Variants in MMP16 observed in about 807,000 individuals in gnomAD.
MMP16 encodes the protein matrix metalloproteinase-16.
In MMP16, 12 loss-of-function variants were observed where a neutral mutation model predicts 67.8. That is an observed-to-expected ratio of 0.18 (90% CI 0.11 to 0.29). The LOEUF (loss-of-function observed/expected upper bound fraction) is 0.29, where lower values mean the gene tolerates loss of function less well. Ranked by LOEUF, MMP16 falls within the 10% of genes least tolerant of loss-of-function variation. The pLI is 1.00. For synonymous variants in MMP16, 249 were observed against 255.9 expected (o/e 0.97, Z 0.26); for missense variants, 475 against 765.7 (o/e 0.62, Z 4.48).
chr8:88,309,351 T>A (rs148828033), intron 1 of MMP16, among the ~76,000 whole-genome samples: 67 of 151,928 alleles, frequency 4.4e-4, no homozygotes, highest in African/African-American at 1.6e-3. Context: ...TATATTGTTA[T>A]GTTAAAAATA....
At chr8:88,188,483 T>C (rs1314605143) in intron 2 of MMP16, among the ~76,000 whole-genome samples, 1 of 152,168 alleles carries the variant, frequency 6.6e-6, no homozygotes, top group Non-Finnish European at 1.5e-5. Flanking sequence ...GGGTAAAATT[T>C]GAAACAACAG....
intron 1 of MMP16, among the ~76,000 whole-genome samples, chr8:88,217,575 C>T (rs1031059699): frequency 6.6e-6 from 1 of 151,962 alleles, no homozygotes; most frequent in Non-Finnish European, 1.5e-5. Context: ...TCATCTTAAA[C>T]CTACTCAGTT....
intron 3 of MMP16, among the ~76,000 whole-genome samples, chr8:88,181,928 GTGTTAGAAC>G (rs1808987340): frequency 6.6e-6 from 1 of 152,010 alleles, no homozygotes; most frequent in Non-Finnish European, 1.5e-5. Context: ...TCAACAAATG[GTGTTAGAAC>G]AACTGGACAT....
chr8:88,247,126 T>C (rs929612403), intron 1 of MMP16, among the ~76,000 whole-genome samples: 1 of 152,106 alleles, frequency 6.6e-6, no homozygotes, highest in African/African-American at 2.4e-5. Flanking sequence ...AATGAGGTCA[T>C]TCAGGGTAGG....
At chr8:88,166,742 A>T (rs766948325) in intron 4 of MMP16, among the ~76,000 whole-genome samples, 439 of 110,410 alleles carry the variant, frequency 4.0e-3, no homozygotes, top group Middle Eastern at 0.012. Flanking sequence ...CTTAATTTTA[A>T]TTTTTTTTAA....
At chr8:88,088,700 CT>C (rs1482721836) in intron 6 of MMP16, among the ~76,000 whole-genome samples, 15 of 152,000 alleles carry the variant, frequency 9.9e-5, no homozygotes, top group Admixed American at 9.8e-4. Flanking sequence ...GGTTTATTTA[CT>C]TAAATAAAGA....
At chr8:88,117,012 C>A (rs987935908) in intron 5 of MMP16, among the ~76,000 whole-genome samples, 2 of 151,908 alleles carry the variant, frequency 1.3e-5, no homozygotes, top group African/African-American at 4.8e-5. Flanking sequence ...GGGAAAGCTG[C>A]CTTCAGATCT....
At position 88,308,461 on chromosome 8, in the gene MMP16, A is replaced by G. The variant is rs147624506; in HGVS notation, c.132+18614T>C. Among the ~76,000 whole-genome samples, 42 of 152,192 alleles carry G rather than the reference A, an allele frequency of 2.8e-4. 1 individual carries two copies. In the East Asian group the frequency reaches 7.9e-3, roughly 29 times the overall value. On this transcript the variant is annotated intron_variant, in intron 1 of 9. Transcript: ENST00000286614. The stretch of plus-strand genomic sequence containing the variant: ...AAGCTACATAAAGCAAGAGGTGCCC[A>G]AAGCCACCCATAGTTCCATAGATCA...
intron 1 of MMP16, among the ~76,000 whole-genome samples, chr8:88,298,360 G>T (rs182546596): frequency 1.3e-5 from 2 of 152,158 alleles, no homozygotes; most frequent in Middle Eastern, 3.2e-3. Context: ...CCAAATTTAC[G>T]TGTGGAACAA....
At chr8:88,272,452 C>A (rs1299709314) in intron 1 of MMP16, among the ~76,000 whole-genome samples, 1 of 152,052 alleles carries the variant, frequency 6.6e-6, no homozygotes. Flanking sequence ...GCTTCTCTAT[C>A]AAGGAAAATG....
intron 1 of MMP16, 200 bp downstream of exon 1, chr8:88,326,875 C>A: frequency 1.8e-6 from 1 of 551,866 alleles, no homozygotes; most frequent in East Asian, 3.3e-5. Context: ...CTTTGTGCTG[C>A]CGGGGATAAC....
At chr8:88,142,732 T>C (rs1163440970) in intron 4 of MMP16, among the ~76,000 whole-genome samples, 2 of 152,102 alleles carry the variant, frequency 1.3e-5, no homozygotes, top group Admixed American at 6.6e-5. Flanking sequence ...TTACCAGGTA[T>C]TGAAGTAGGT....
chr8:88,143,453 T>C (rs973003668), intron 4 of MMP16, among the ~76,000 whole-genome samples: 3 of 152,118 alleles, frequency 2.0e-5, no homozygotes, highest in Non-Finnish European at 4.4e-5. Flanking sequence ...GTTTTAGATA[T>C]ATTGAGCAAA....
Position 88,116,222 on chromosome 8 carries a change from T to C in MMP16, c.1083+285A>G, listed in dbSNP as rs143184120. Among the ~76,000 whole-genome samples, 70 of 152,234 alleles carry C rather than the reference T, an allele frequency of 4.6e-4. 1 individual carries two copies. In the East Asian group the frequency reaches 0.013, roughly 28 times the overall value. ...TATTAGTTCCTATTCATGATTCAAA[T>C]TATGCTATTTTATCTCTTCATAACA... On this transcript the variant is annotated intron_variant, in intron 6 of 9. Coordinates refer to ENST00000286614, the MANE Select transcript of MMP16 (RefSeq NM_005941.5).
chr8:88,188,538 G>A (rs1586196360), intron 2 of MMP16, among the ~76,000 whole-genome samples: 1 of 152,112 alleles, frequency 6.6e-6, no homozygotes, highest in African/African-American at 2.4e-5. Flanking sequence ...TGAGGGTATA[G>A]TCTCTAAAAT....
intron 4 of MMP16, among the ~76,000 whole-genome samples, chr8:88,123,759 AAG>A (rs1807880260): frequency 6.6e-6 from 1 of 151,846 alleles, no homozygotes; most frequent in African/African-American, 2.4e-5. Context: ...GTCACCTAAA[AAG>A]AGTTAGGTCA....
At chr8:88,157,136 T>C (rs913297409) in intron 4 of MMP16, among the ~76,000 whole-genome samples, 11 of 152,102 alleles carry the variant, frequency 7.2e-5, no homozygotes, top group Non-Finnish European at 1.5e-4. Context: ...TCCCTATCCA[T>C]GGCTTTTGCA....
intron 1 of MMP16, among the ~76,000 whole-genome samples, chr8:88,284,602 G>C (rs1263082956): frequency 6.6e-6 from 1 of 151,942 alleles, no homozygotes; most frequent in Non-Finnish European, 1.5e-5. Flanking sequence ...ATTGTAGTCT[G>C]GAAGTGCTGG....
intron 1 of MMP16, among the ~76,000 whole-genome samples, chr8:88,285,753 C>T (rs79394466): frequency 0.018 from 2,776 of 152,222 alleles, 85 homozygotes; most frequent in African/African-American, 0.063. Flanking sequence ...ACATCATTTA[C>T]CATTTTAAAT....
Sources: allele counts gnomAD v4.1 joint callset (sites outside exome capture counted in the v4.1 genomes callset), GRCh38; gene constraint gnomAD v4.1.1; transcripts MANE v1.5; gene names NCBI Gene and HGNC (gene_info 2026-07-23, HGNC 2026-07-21).